CFAP47: variants seen among roughly 807,000 people sequenced by gnomAD.
CFAP47 encodes cilia and flagella associated protein 47, also known as cilia- and flagella-associated protein 47.
A neutral mutation model predicts 148.1 loss-of-function variants in CFAP47; 29 were observed. The ratio of observed to expected loss-of-function variants is 0.20; its 90% CI spans 0.15 to 0.27. The LOEUF is 0.27. Among genes scored for constraint, CFAP47 ranks in the 10% least tolerant of loss-of-function variants. CFAP47 has a pLI of 1.00. For missense variants in CFAP47, 1,872 were observed against 1,697.5 expected (o/e 1.10, Z -1.81); for synonymous variants, 664 against 577.3 (o/e 1.15, Z -2.15).
At chrX:36,038,541 A>T (rs1937365382) in intron 24 of CFAP47, among the ~76,000 whole-genome samples, 1 of 111,837 alleles carries the variant, frequency 8.9e-6, no homozygotes, top group Admixed American at 9.5e-5. Context: ...AAAATTTGGG[A>T]TACAGCACAT....
intron 27 of CFAP47, among the ~76,000 whole-genome samples, chrX:36,071,451 A>G (rs1937750572): frequency 8.9e-6 from 1 of 112,268 alleles, no homozygotes; most frequent in African/African-American, 3.2e-5. Flanking sequence ...CTTTTCCTAT[A>G]TCTTATTTTG....
rs146136239 is a variant in CFAP47 at position 36,164,319 on chromosome X, C to T, written c.6026+3550C>T. On this transcript the variant is annotated intron_variant, in intron 39 of 63. Transcript: ENST00000378653. The stretch of plus-strand genomic sequence containing the variant: ...GTTGATCTGTTCATTTCTCCCTTCA[C>T]TTATGTCAGTTTTACTTTCTGTCTT... 5.7e-3 allele frequency among the ~76,000 whole-genome samples: 636 copies of T among 111,645 alleles called. 5 individuals carry two copies. The highest frequency in any genetic ancestry group is 0.019 in the African/African-American group (583 of 30,834).
intron 8 of CFAP47, among the ~76,000 whole-genome samples, chrX:35,959,614 C>T (rs974214970): frequency 9.0e-6 from 1 of 111,380 alleles, no homozygotes; most frequent in African/African-American, 3.3e-5. Flanking sequence ...CGAGACCAGC[C>T]TGACCAATGT....
chrX:36,299,042 G>A lies in CFAP47; in HGVS notation c.7752G>A (p.Gln2584=), dbSNP rs1190393427. 1 of 1,148,353 alleles carries A rather than the reference G, an allele frequency of 8.7e-7. No individual in the cohort carries two copies. Among genetic ancestry groups the A allele is most frequent in the Non-Finnish European group, 1.2e-6 (1 of 856,864 alleles). The allele number at this position is 1,148,353 out of a possible 1,213,427, so 94.6% of individuals were successfully genotyped here. The change falls in exon 52 of 64, where the codon CAG becomes CAA. Residue 2584 remains glutamine (Q), a synonymous_variant. Coordinates refer to ENST00000378653, the MANE Select transcript of CFAP47 (RefSeq NM_001304548.2). ...PKDRGLHLEV[Q]LTSAALNGDN... Reference sequence around the variant, plus strand: ...ATAGAGGTCTTCACTTAGAGGTGCAGTTAACGAGTGCTGCCCTTAATGGGG... The same window carrying A: ...ATAGAGGTCTTCACTTAGAGGTGCAATTAACGAGTGCTGCCCTTAATGGGG...
At chrX:36,043,764 T>C (rs1937433145) in intron 25 of CFAP47, among the ~76,000 whole-genome samples, 1 of 111,981 alleles carries the variant, frequency 8.9e-6, no homozygotes, top group African/African-American at 3.2e-5. Flanking sequence ...TCTACCTTTC[T>C]GGGGTCTGCA....
intron 46 of CFAP47, among the ~76,000 whole-genome samples, chrX:36,234,047 A>AT (rs1176480534): frequency 1.8e-5 from 2 of 108,782 alleles, no homozygotes; most frequent in African/African-American, 3.4e-5. Flanking sequence ...TGCCCTTAAC[A>AT]TTTTTTCCTT....
chrX:35,930,069 T>C (rs1210331807), intron 2 of CFAP47, among the ~76,000 whole-genome samples: 1 of 111,502 alleles, frequency 9.0e-6, no homozygotes, highest in Non-Finnish European at 1.9e-5. Flanking sequence ...TAGCTGTCAG[T>C]ATTTTTGGAT....
intron 61 of CFAP47, among the ~76,000 whole-genome samples, chrX:36,363,478 A>T (rs899524933): frequency 8.9e-6 from 1 of 111,867 alleles, no homozygotes; most frequent in African/African-American, 3.2e-5. Context: ...TTATAATCAT[A>T]TGGAACAACC....
chrX:36,289,134 G>T (rs1304253393), intron 51 of CFAP47, among the ~76,000 whole-genome samples: 2 of 107,098 alleles, frequency 1.9e-5, no homozygotes, highest in Non-Finnish European at 3.8e-5. Context: ...CTGAGTAGCT[G>T]GGATTACAGG....
chrX:36,168,709 G>A (rs1417336097), intron 39 of CFAP47, among the ~76,000 whole-genome samples: 1 of 112,075 alleles, frequency 8.9e-6, no homozygotes, highest in East Asian at 2.8e-4. Context: ...TTACAGGCAT[G>A]AGCCACCGCA....
chrX:36,082,243 A>G (rs1031551351), intron 29 of CFAP47, among the ~76,000 whole-genome samples: 4 of 111,076 alleles, frequency 3.6e-5, no homozygotes, highest in Non-Finnish European at 5.7e-5. Flanking sequence ...GGCCTGAGAT[A>G]ATATCTCGTT....
At position 36,138,425 on chromosome X, in the gene CFAP47, A is replaced by G; in HGVS notation, c.5496A>G (p.Val1832=). The change falls in exon 35 of 64, where the codon GTA becomes GTG. Residue 1832 remains valine (V), a synonymous_variant. Coordinates refer to ENST00000378653, the MANE Select transcript of CFAP47 (RefSeq NM_001304548.2). ...EEYLHNCLII[V]NTLYEIDFDV... Reference sequence around the variant, plus strand: ...ATCTGCACAATTGCCTGATTATTGTAAATACTCTTTATGAAATTGACTTTG... The same window carrying G: ...ATCTGCACAATTGCCTGATTATTGTGAATACTCTTTATGAAATTGACTTTG... The G allele has an allele frequency of 1.2e-5, 14 of 1,164,685 alleles. No homozygotes were observed. Among genetic ancestry groups the G allele is most frequent in the Non-Finnish European group, 1.6e-5 (14 of 876,583 alleles).
chrX:36,079,107 G>T (rs372433743), intron 29 of CFAP47, among the ~76,000 whole-genome samples: 6 of 111,358 alleles, frequency 5.4e-5, no homozygotes, highest in East Asian at 2.8e-4. Flanking sequence ...GCTGCTCTTA[G>T]CATTTTTTCC....
intron 49 of CFAP47, among the ~76,000 whole-genome samples, chrX:36,262,598 T>C (rs1602077146): frequency 8.9e-6 from 1 of 112,479 alleles, no homozygotes; most frequent in South Asian, 3.7e-4. Flanking sequence ...ATACGCATTT[T>C]CTTTATTTAT....
At chrX:36,242,744 G>A (rs1940561025) in intron 48 of CFAP47, among the ~76,000 whole-genome samples, 1 of 111,916 alleles carries the variant, frequency 8.9e-6, no homozygotes. Context: ...TAAGCAACAT[G>A]GAAAATATAT....
rs188972679 is a variant in CFAP47, at chrX:36,203,666, C to T, written c.6664-1291C>T. Among the ~76,000 whole-genome samples the T allele has an allele frequency of 4.2e-3, 471 of 111,943 alleles. 2 individuals carry two copies. The highest frequency in any genetic ancestry group is 5.0e-3 in the Non-Finnish European group (264 of 53,192). On this transcript the variant is annotated intron_variant, in intron 44 of 63. Coordinates refer to ENST00000378653, the MANE Select transcript of CFAP47 (RefSeq NM_001304548.2). Reference sequence around the variant, plus strand: ...TTGACATCTTATGCATGATATGAGCCTTGTCGTTGTTTAATTGAATTGAAA... The same window carrying T: ...TTGACATCTTATGCATGATATGAGCTTTGTCGTTGTTTAATTGAATTGAAA...
At chrX:36,162,593 A>T (rs1214830854) in intron 39 of CFAP47, among the ~76,000 whole-genome samples, 1 of 111,566 alleles carries the variant, frequency 9.0e-6, no homozygotes, top group Non-Finnish European at 1.9e-5. Context: ...TGCATAAGTG[A>T]CAAGAATTGA....
intron 10 of CFAP47, among the ~76,000 whole-genome samples, chrX:35,968,397 CT>C (rs1182079306): frequency 1.8e-5 from 2 of 111,576 alleles, no homozygotes; most frequent in African/African-American, 6.5e-5. Context: ...TTATCCAAAT[CT>C]CAAATAAATT....
intron 26 of CFAP47, among the ~76,000 whole-genome samples, chrX:36,048,361 T>C (rs780160850): frequency 8.9e-6 from 1 of 111,929 alleles, no homozygotes; most frequent in South Asian, 3.7e-4. Context: ...TTGCCCTATG[T>C]TGAAGCCTTT....
Sources: gnomAD v4.1 joint callset for allele counts (sites outside exome capture counted in the v4.1 genomes callset) on GRCh38, gnomAD v4.1.1 for gene constraint, MANE v1.5 for transcripts, NCBI Gene and HGNC (gene_info 2026-07-23, HGNC 2026-07-21) for gene names.